Variants in PLXNB2 observed in about 807,000 individuals in gnomAD.
PLXNB2 encodes plexin-B2.
Under a neutral mutation model 202.6 loss-of-function variants are expected in PLXNB2, and 85 were observed. That is an observed-to-expected ratio of 0.42 (90% confidence interval 0.35 to 0.50). The LOEUF (loss-of-function observed/expected upper bound fraction) is 0.50. Ranked by LOEUF, PLXNB2 falls within the 20% of genes least tolerant of loss-of-function variation. The probability of loss-of-function intolerance (pLI) is 0.02; values close to 1 mark genes in which losing one functional copy is unlikely to be tolerated. For missense variants in PLXNB2, 2,063 were observed against 2,586.2 expected, an observed-to-expected ratio of 0.80 and a Z score of 4.39; for synonymous variants, 1,239 against 1,137.6, an observed-to-expected ratio of 1.09 and a Z score of -1.79.
rs780577751 is a variant in PLXNB2, at chr22:50,276,721, A to G, written c.5262-17T>C. On this transcript the variant is annotated splice_polypyrimidine_tract_variant and intron_variant, in intron 34 of 36. Transcript: ENST00000359337. ...TTGTAGTAACTGCAGGGGTGGGAGC[A>G]TCATACAGTGTGGGCGGCAGGGACC... 1.2e-6 allele frequency: 2 copies of G among 1,612,364 alleles called. No individual in the cohort carries two copies. The highest frequency in any genetic ancestry group is 1.3e-5 in the African/African-American group (1 of 74,938).
In PLXNB2 at chr22:50,277,954, C is replaced by T. The variant is rs201356398; in HGVS notation, c.4947G>A (p.Ala1649=). Residue 1649 remains alanine (A), a synonymous_variant, in exon 32 of 37, where the codon GCG becomes GCA. Transcript: ENST00000359337. ...FFQSVLAPGH[A]VPPAVKYFFD... Reference sequence around the variant, plus strand: ...AGAAGTACTTGACTGCAGGTGGCACCGCGTGCCCAGGCGCCAGCACGCTCT... The same window carrying T: ...AGAAGTACTTGACTGCAGGTGGCACTGCGTGCCCAGGCGCCAGCACGCTCT... The T allele has an allele frequency of 1.9e-5, 31 of 1,612,960 alleles. No homozygotes were observed. The highest frequency in any genetic ancestry group is 6.6e-5 in the South Asian group (6 of 91,068).
At chr22:50,279,885 G>T (rs1334452042) in intron 26 of PLXNB2, 109 bp from the exon 27 acceptor site, 1 of 1,455,804 alleles carries the variant, frequency 6.9e-7, no homozygotes, top group African/African-American at 1.4e-5. Flanking sequence ...TCAGGGGCAG[G>T]AAGCAAACCT....
chr22:50,307,324 G>A (rs2067924703), intron 1 of PLXNB2, among the ~76,000 whole-genome samples: 1 of 150,598 alleles, frequency 6.6e-6, no homozygotes, highest in Admixed American at 6.6e-5. Context: ...CCCGCCGCCG[G>A]GCCCGTCCCC....
chr22:50,286,856 G>A (rs1328660409), intron 8 of PLXNB2, among the ~76,000 whole-genome samples: 2 of 152,216 alleles, frequency 1.3e-5, no homozygotes, highest in Non-Finnish European at 2.9e-5. Flanking sequence ...CGGACGTGAT[G>A]AGGGAGCAGG....
chr22:50,283,981 T>A lies in PLXNB2; in HGVS notation c.2273A>T (p.Tyr758Phe). The change falls in exon 14 of 37, where the codon TAC becomes TTC. Residue 758 changes from tyrosine (Y) to phenylalanine (F), a missense_variant. Physicochemically the swap from Tyr to Phe is conservative, Grantham distance 22 (BLOSUM62 3). Around this residue, in one of 2 missense-constraint regions of PLXNB2, gnomAD observed 1,303 missense variants for 1,476.8 expected, o/e 0.88. Transcript: ENST00000359337. Reference protein sequence around the residue: ...NIDSKLHVTLYNCSFGRSDCS... With the variant: ...NIDSKLHVTLFNCSFGRSDCS... ...GTCGCTGCGGCCAAAGGAGCAGTTG[T>A]AGAGGGTCACTGCGGGGAGAGCTGC... 1 of 1,543,502 alleles carries A rather than the reference T, an allele frequency of 6.5e-7. No individual in the cohort carries two copies. The highest frequency in any genetic ancestry group is 2.4e-5 in the East Asian group (1 of 41,366).
At position 50,280,479 on chromosome 22, in the gene PLXNB2, CCA is replaced by C. The variant is rs1422825886; in HGVS notation, c.4175+8_4175+9del. ...CCCGTGGCCCCGCTCGTGGCCCCGC[CCA>C]TGTGCACCTGCGCAGCATCAGCTTG... On this transcript the variant is annotated splice_region_variant and intron_variant, in intron 25 of 36. Transcript: ENST00000359337. The C allele has an allele frequency of 6.3e-7, 1 of 1,594,518 alleles. No homozygotes were observed. Among genetic ancestry groups the C allele is most frequent in the African/African-American group, 1.3e-5 (1 of 74,598 alleles).
At chr22:50,292,094 T>C (rs965699423) in intron 2 of PLXNB2, among the ~76,000 whole-genome samples, 1 of 152,132 alleles carries the variant, frequency 6.6e-6, no homozygotes, top group African/African-American at 2.4e-5. Flanking sequence ...TCCCAGCACC[T>C]TGGGAGGCCG....
intron 2 of PLXNB2, among the ~76,000 whole-genome samples, chr22:50,293,184 AG>A (rs891580102): frequency 5.3e-5 from 8 of 152,190 alleles, no homozygotes; most frequent in African/African-American, 1.9e-4. Flanking sequence ...ATCCTGGTGG[AG>A]GGGGTTCTAT....
At chr22:50,280,714 G>GGGCGCCCCCC in intron 24 of PLXNB2, 30 bp downstream of exon 24, 1 of 1,528,946 alleles carries the variant, frequency 6.5e-7, no homozygotes, top group Non-Finnish European at 8.9e-7. Flanking sequence ...CCACCTGTGT[G>GGGCGCCCCCC]CCCTCCCGCC....
chr22:50,284,105 G>A lies in PLXNB2; in HGVS notation c.2263+27C>T, dbSNP rs201388444. 316 of 345,042 alleles carry A rather than the reference G, an allele frequency of 9.2e-4. No individual in the cohort carries two copies. The highest frequency in any genetic ancestry group is 3.1e-3 in the African/African-American group (103 of 33,546). The allele number at this position is 345,042 out of a possible 1,614,324, so 21.4% of individuals were successfully genotyped here. A position where few individuals can be genotyped will look rare whatever the true frequency, so the allele number is the denominator to read the frequency against. On this transcript the variant is annotated intron_variant, in intron 13 of 36. Transcript: ENST00000359337. The surrounding 1 kb of genome is among the most constrained non-coding windows in gnomAD (Gnocchi z 8.0). Reference sequence around the variant, plus strand: ...CCTTGTGCCCACCCGTCCCCTGCCCGCCCCCCACTGCGCCCGTGGCCCCCA... The same window carrying A: ...CCTTGTGCCCACCCGTCCCCTGCCCACCCCCCACTGCGCCCGTGGCCCCCA...
rs2065999564 is a variant in PLXNB2, at chr22:50,281,630, T to C, written c.3458A>G (p.Glu1153Gly). Residue 1153 changes from glutamate (E) to glycine (G), a missense_variant, in exon 21 of 37, where the codon GAG (glutamate) becomes GGG (glycine). Transcript: ENST00000359337. Reference sequence around the variant, plus strand: ...CCGCCGCTTGGGCGGGGGCTGCACCTCCGGGGGCTCACAGTACAGGTCGGT... The same window carrying C: ...CCGCCGCTTGGGCGGGGGCTGCACCCCCGGGGGCTCACAGTACAGGTCGGT... ...TETDLYCEPP[E>G]VQPPPKRRQK... The C allele has an allele frequency of 1.9e-6, 3 of 1,606,644 alleles. No individual in the cohort carries two copies. The highest frequency in any genetic ancestry group is 2.6e-6 in the Non-Finnish European group (3 of 1,176,254).
At position 50,275,759 on chromosome 22, in the gene PLXNB2, G is replaced by A. The variant is rs1168942832; in HGVS notation, c.5462C>T (p.Ala1821Val). The change falls in exon 37 of 37, where the codon GCC (alanine) becomes GTC (valine). Residue 1821 changes from alanine (A) to valine (V), a missense_variant. Ala to Val is a moderately conservative substitution (Grantham distance 64). Around this residue, in one of 2 missense-constraint regions of PLXNB2, gnomAD observed 760 missense variants for 1,109.4 expected, o/e 0.69. Transcript: ENST00000359337. ...EDPAAQKMQL[A>V]FRLQQIAAAL... is the part of the protein sequence containing the mutation. ...AGCGGCAATCTGCTGCAGGCGGAAG[G>A]CCAGCTGCATCTTCTGGGCGGCAGG... 2 of 1,612,246 alleles carry A rather than the reference G, an allele frequency of 1.2e-6. No individual in the cohort carries two copies. Among genetic ancestry groups the A allele is most frequent in the African/African-American group, 2.7e-5 (2 of 74,890 alleles).
In PLXNB2 at chr22:50,276,696, T is replaced by C. The variant is rs775068552; in HGVS notation, c.5270A>G (p.Lys1757Arg). The change falls in exon 35 of 37, where the codon AAG (lysine) becomes AGG (arginine). Residue 1757 changes from lysine (K) to arginine (R), a missense_variant. By Grantham distance (26) the Lys-to-Arg change is conservative (BLOSUM62 2). Around this residue, in one of 2 missense-constraint regions of PLXNB2, gnomAD observed 760 missense variants for 1,109.4 expected, o/e 0.69. Coordinates refer to ENST00000359337, the MANE Select transcript of PLXNB2 (RefSeq NM_012401.4). ...GACCTGCACCATCTGCCGGATCCCC[T>C]TGTAGTAACTGCAGGGGTGGGAGCA... ...TYKKMVEDYY[K>R]GIRQMVQVSD... 39 of 1,613,386 alleles carry C rather than the reference T, an allele frequency of 2.4e-5. No individual in the cohort carries two copies. The highest frequency in any genetic ancestry group is 1.6e-4 in the Middle Eastern group (1 of 6,078).
rs1006690528 is a variant in PLXNB2, at chr22:50,277,847, C to T, written c.5048+6G>A. The T allele has an allele frequency of 1.2e-6, 2 of 1,612,258 alleles. No individual in the cohort carries two copies. Among genetic ancestry groups the T allele is most frequent in the African/African-American group, 2.7e-5 (2 of 74,896 alleles). On this transcript the variant is annotated splice_donor_region_variant and intron_variant, in intron 32 of 36. Transcript: ENST00000359337. ...GCTGGGCCGCGGGGTGGGTGTGGAG[C>T]CTCACCTGTTCGTCTTCCAGATGTG...
chr22:50,279,848 C>A (rs986397527), intron 26 of PLXNB2, 72 bp from the exon 27 acceptor site: 24 of 1,570,282 alleles, frequency 1.5e-5, no homozygotes, highest in Non-Finnish European at 2.0e-5. Context: ...GGAGCCCTGG[C>A]CAGAGGCATG....
At chr22:50,277,551 C>T in intron 33 of PLXNB2, 40 bp downstream of exon 33, 2 of 1,526,760 alleles carry the variant, frequency 1.3e-6, no homozygotes, top group Non-Finnish European at 1.8e-6. Flanking sequence ...GGGGACAGAC[C>T]CAGGCCTCCC....
intron 1 of PLXNB2, among the ~76,000 whole-genome samples, chr22:50,298,124 C>T (rs1283160929): frequency 2.0e-5 from 3 of 152,352 alleles, no homozygotes; most frequent in Non-Finnish European, 4.4e-5. Flanking sequence ...GGGCACCTGC[C>T]GGTCCAAACT....
rs1426215214 is a variant in PLXNB2 at position 50,280,038 on chromosome 22, G to A, written c.4209C>T (p.Asn1403=). Residue 1403 remains asparagine, a synonymous_variant, in exon 26 of 37, where the codon AAC becomes AAT. Coordinates refer to ENST00000359337, the MANE Select transcript of PLXNB2 (RefSeq NM_012401.4). ...SETVVERMLS[N]WMSICLYQYL... is the part of the protein sequence containing the mutation. ...ACTGGTACAGGCAGATGGACATCCA[G>A]TTGGACAGCATCCTCTCCACCACAG... is the stretch of plus-strand genomic sequence containing the variant. 5.6e-6 allele frequency: 9 copies of A among 1,610,714 alleles called. No individual in the cohort carries two copies. The highest frequency in any genetic ancestry group is 7.6e-6 in the Non-Finnish European group (9 of 1,178,614).
chr22:50,280,315 G>A (rs899914445), intron 25 of PLXNB2, among the ~76,000 whole-genome samples, 174 bp downstream of exon 25: 8 of 152,180 alleles, frequency 5.3e-5, no homozygotes, highest in African/African-American at 7.2e-5. Flanking sequence ...GCTAGAGTCC[G>A]GCTTTGAGTT....
Sources: gnomAD v4.1 joint callset for allele counts (sites outside exome capture counted in the v4.1 genomes callset) on GRCh38, gnomAD v4.1.1 for gene constraint, gnomAD v4.1.1 regional missense constraint, Gnocchi (gnomAD v3.1) non-coding constraint, MANE v1.5 for transcripts, NCBI Gene and HGNC (gene_info 2026-07-23, HGNC 2026-07-21) for gene names.